The following KCP variants were observed in gnomAD, a reference collection of about 807,000 sequenced individuals.
KCP encodes kielin cysteine rich BMP regulator, also known as kielin/chordin-like protein.
KCP carries 194 observed loss-of-function variants against 212.7 expected under a neutral mutation model. The ratio of observed to expected loss-of-function variants is 0.91; its 90% CI spans 0.81 to 1.03. KCP has a LOEUF of 1.03. KCP is among the 50% of genes least tolerant of loss of function. The pLI is 0.00. For synonymous variants in KCP, 833 were observed against 865.3 expected, an observed-to-expected ratio of 0.96 and a Z score of 0.65; for missense variants, 2,080 against 2,162.5, an observed-to-expected ratio of 0.96 and a Z score of 0.76.
rs1563021357 is a variant in KCP at position 128,881,665 on chromosome 7, G to A, written c.3385C>T (p.Arg1129Cys). The change falls in exon 31 of 40, where the codon CGC becomes TGC. Residue 1129 changes from arginine to cysteine, a missense_variant. Arg to Cys is a radical substitution (Grantham distance 180, BLOSUM62 -3). Transcript: ENST00000610776. ...CPELSCPLSE[R>C]HTPPGSCCPV... ...CAGCAGCTCCCAGGGGGAGTGTGGC[G>A]CTCTGAGAGGGGACAGCTGAGCTCA... 21 of 1,514,616 alleles carry A rather than the reference G, an allele frequency of 1.4e-5. No homozygotes were observed. The highest frequency in any genetic ancestry group is 9.0e-5 in the South Asian group (7 of 77,770). 93.8% of individuals were successfully genotyped at this position (1,514,616 alleles called of 1,614,324 possible).
intron 35 of KCP, 24 bp from the exon 36 acceptor site, chr7:128,879,853 G>T (rs540455740): frequency 1.3e-6 from 2 of 1,551,052 alleles, no homozygotes. Flanking sequence ...AGTCCCAGGT[G>T]CCAATGGTCA....
rs1316462993 is a variant in KCP, at chr7:128,877,559, C to T, written c.4543G>A (p.Asp1515Asn). The T allele has an allele frequency of 1.3e-6, 2 of 1,551,456 alleles. No individual in the cohort carries two copies. Among genetic ancestry groups the T allele is most frequent in the African/African-American group, 2.7e-5 (2 of 73,066 alleles). Residue 1515 changes from aspartate to asparagine, a missense_variant, in exon 39 of 40, where the codon GAT becomes AAT. By Grantham distance (23) the Asp-to-Asn change is conservative. Transcript: ENST00000610776. Reference protein sequence around the residue: ...PGSSADACLCDALEAYASHCR... With the variant: ...PGSSADACLCNALEAYASHCR... ...TGACTGGCGTAGGCTTCCAGGGCAT[C>T]ACAGAGGCAGGCATCAGCGGAGGAG...
chr7:128,895,527 C>T (rs1228038658), intron 8 of KCP, among the ~76,000 whole-genome samples: 3 of 152,170 alleles, frequency 2.0e-5, no homozygotes, highest in Non-Finnish European at 4.4e-5. Flanking sequence ...GTGTCAGAGG[C>T]GTTTGAACCA....
At position 128,891,066 on chromosome 7, in the gene KCP, G is replaced by A; in HGVS notation, c.2003C>T (p.Pro668Leu). The change falls in exon 20 of 40, where the codon CCC (proline) becomes CTC (leucine). Residue 668 changes from proline (P) to leucine (L), a missense_variant. Transcript: ENST00000610776. ...AAPAPAGCPR[P>L]GAAHARHQEY... ...CTGGTGGCGGGCGTGGGCCGCGCCG[G>A]GCCGTGGGCAGCCGGCGGGGGCTGG... is the stretch of plus-strand genomic sequence containing the variant. 7.1e-7 allele frequency: 1 copy of A among 1,410,218 alleles called. No homozygotes were observed. The highest frequency in any genetic ancestry group is 1.6e-5 in the South Asian group (1 of 64,358). 87.4% of individuals were successfully genotyped at this position (1,410,218 alleles called of 1,614,324 possible). A position where few individuals can be genotyped will look rare whatever the true frequency, so the allele number is the denominator to read the frequency against.
chr7:128,878,620 C>A lies in KCP; in HGVS notation c.4249G>T (p.Asp1417Tyr). The A allele has an allele frequency of 6.4e-7, 1 of 1,551,528 alleles. No homozygotes were observed. Among genetic ancestry groups the A allele is most frequent in the Non-Finnish European group, 8.7e-7 (1 of 1,146,990 alleles). Reference protein sequence around the residue: ...CGNFNGFAQDDLQGPEGLLLP... With the variant: ...CGNFNGFAQDYLQGPEGLLLP... Reference sequence around the variant, plus strand: ...AGCAGCCCCTCAGGGCCCTGCAGATCGTCCTGGGCAAAGCCATTGAAGTTC... The same window carrying A: ...AGCAGCCCCTCAGGGCCCTGCAGATAGTCCTGGGCAAAGCCATTGAAGTTC... Residue 1417 changes from aspartate (D) to tyrosine (Y), a missense_variant, in exon 38 of 40, where the codon GAT becomes TAT. By Grantham distance (160) the Asp-to-Tyr change is radical. Transcript: ENST00000610776.
intron 1 of KCP, among the ~76,000 whole-genome samples, chr7:128,909,808 G>C (rs1274842120): frequency 6.6e-6 from 1 of 152,162 alleles, no homozygotes; most frequent in Admixed American, 6.5e-5. Flanking sequence ...CCCGCACCCT[G>C]GGCGAATACT....
chr7:128,906,403 T>C (rs1389752585), intron 4 of KCP, 40 bp from the exon 5 acceptor site: 10 of 1,389,820 alleles, frequency 7.2e-6, no homozygotes, highest in African/African-American at 7.2e-5. Flanking sequence ...GACATCAGAT[T>C]CCTGGAGGGC....
At chr7:128,878,511 C>T in intron 38 of KCP, 47 bp downstream of exon 38, 3 of 1,513,914 alleles carry the variant, frequency 2.0e-6, no homozygotes, top group East Asian at 2.5e-5. Context: ...GACTCATGCT[C>T]AGCTGCGTCT....
chr7:128,890,676 G>A (rs866905526), intron 20 of KCP, among the ~76,000 whole-genome samples, 163 bp from the exon 21 acceptor site: 2 of 146,954 alleles, frequency 1.4e-5, no homozygotes, highest in Non-Finnish European at 3.0e-5. Context: ...CGTGGGCTCC[G>A]TGGAGGCTGA....
intron 8 of KCP, among the ~76,000 whole-genome samples, chr7:128,896,647 C>T (rs1451454789): frequency 6.6e-6 from 1 of 152,128 alleles, no homozygotes; most frequent in African/African-American, 2.4e-5. Flanking sequence ...AATCCCAGCA[C>T]TTTGGGAGGC....
intron 22 of KCP, among the ~76,000 whole-genome samples, chr7:128,887,633 ACACATACATACACAACCACACC>A (rs1793748468): frequency 6.7e-6 from 1 of 148,934 alleles, no homozygotes; most frequent in Admixed American, 6.7e-5. Context: ...ACAGCCACAC[ACACATACATACACAACCACACC>A]CACATATACA....
At chr7:128,898,827 G>T (rs932248342) in intron 8 of KCP, among the ~76,000 whole-genome samples, 3 of 152,144 alleles carry the variant, frequency 2.0e-5, no homozygotes, top group African/African-American at 7.2e-5. Flanking sequence ...AGTTAAAGGG[G>T]TATTATTCAG....
rs1346194063 is a variant in KCP, at chr7:128,895,576, G to T, written c.832-1283C>A. ...TTGAATAGGGGCTAGGTAAAATGAG[G>T]CTGAGACCTACTGGGCTGTATTCCC... On this transcript the variant is annotated intron_variant, in intron 8 of 39. Transcript: ENST00000610776. Among the ~76,000 whole-genome samples, 4 of 152,226 alleles carry T rather than the reference G, an allele frequency of 2.6e-5. No individual in the cohort carries two copies. The East Asian group carries it at 7.7e-4, about 29-fold the overall frequency.
In KCP at chr7:128,880,460, A is replaced by G; in HGVS notation, c.3685T>C (p.Cys1229Arg). The G allele has an allele frequency of 1.9e-6, 3 of 1,547,212 alleles. No individual in the cohort carries two copies. The highest frequency in any genetic ancestry group is 1.7e-6 in the Non-Finnish European group (2 of 1,145,110). ...ASGERWTVDT[C>R]TSCSCMAGTV... ...CCCGCCATGCAGGAGCAGCTGGTGC[A>G]GGTGTCCACAGTCCAGCGCTCTCCA... The change falls in exon 34 of 40, where the codon TGC becomes CGC. Residue 1229 changes from cysteine (C) to arginine (R), a missense_variant. Cys to Arg is a radical substitution (Grantham distance 180, BLOSUM62 -3). Transcript: ENST00000610776.
At chr7:128,891,991 G>A (rs1489281255) in intron 16 of KCP, among the ~76,000 whole-genome samples, 172 bp from the exon 17 acceptor site, 1 of 152,220 alleles carries the variant, frequency 6.6e-6, no homozygotes, top group Non-Finnish European at 1.5e-5. Context: ...GAGCACACAC[G>A]AGTGTGCGTG....
Position 128,891,835 on chromosome 7 carries a change from T to TG in KCP, c.1622-17dup. 1.4e-6 allele frequency: 2 copies of TG among 1,433,806 alleles called. No individual in the cohort carries two copies. The highest frequency in any genetic ancestry group is 1.8e-6 in the Non-Finnish European group (2 of 1,091,210). 88.8% of individuals were successfully genotyped at this position (1,433,806 alleles called of 1,614,324 possible). The stretch of plus-strand genomic sequence containing the variant: ...AGGATGCAGTCTGGGCAGTGGATGG[T>TG]GGGGGCAGGTATGAGGGCAAAGCCT... On this transcript the variant is annotated splice_polypyrimidine_tract_variant and intron_variant, in intron 16 of 39. Coordinates refer to ENST00000610776, the MANE Select transcript of KCP (RefSeq NM_001366122.1).
At chr7:128,908,218 A>G (rs1795230400) in intron 2 of KCP, among the ~76,000 whole-genome samples, 1 of 141,952 alleles carries the variant, frequency 7.0e-6, no homozygotes, top group Non-Finnish European at 1.5e-5. Context: ...AAAGAAAGGA[A>G]GGAGGGAAGG....
intron 8 of KCP, among the ~76,000 whole-genome samples, chr7:128,902,508 G>A (rs571274175): frequency 6.6e-6 from 1 of 152,248 alleles, no homozygotes; most frequent in East Asian, 1.9e-4. Context: ...TTTGCCGCTC[G>A]CCATATCCTG....
chr7:128,879,025 A>C (rs1168011960), intron 37 of KCP: 9 of 430,354 alleles, frequency 2.1e-5, no homozygotes, highest in Middle Eastern at 6.1e-4. Context: ...CCTTCCGGGG[A>C]TTCACTTTCT....
Sources: gnomAD v4.1 joint callset for allele counts (sites outside exome capture counted in the v4.1 genomes callset) on GRCh38, gnomAD v4.1.1 for gene constraint, MANE v1.5 for transcripts, NCBI Gene and HGNC (gene_info 2026-07-23, HGNC 2026-07-21) for gene names.